Variants in NFE2L3 observed in about 807,000 individuals in gnomAD.
NFE2L3 encodes the protein NFE2 like bZIP transcription factor 3.
Under a neutral mutation model 23.5 loss-of-function variants are expected in NFE2L3, and 18 were observed. The observed-to-expected ratio is 0.77, with a 90% confidence interval of 0.53 to 1.13. The LOEUF is 1.13. Ranked by LOEUF, NFE2L3 falls within the 50% of genes most tolerant of loss-of-function variation. The probability of loss-of-function intolerance (pLI) is 0.00; values close to 1 mark genes in which losing one functional copy is unlikely to be tolerated. For missense variants in NFE2L3, 1,152 were observed against 877.2 expected (o/e 1.31, Z -3.96); for synonymous variants, 424 against 354.5 (o/e 1.20, Z -2.20).
intron 2 of NFE2L3, among the ~76,000 whole-genome samples, chr7:26,179,917 CCT>C (rs1283933013): frequency 6.6e-6 from 1 of 152,058 alleles, no homozygotes; most frequent in Non-Finnish European, 1.5e-5. Flanking sequence ...TTTGGAGACC[CCT>C]GGCCCCACAG....
At position 26,185,277 on chromosome 7, in the gene NFE2L3, T is replaced by A; in HGVS notation, c.1579T>A (p.Tyr527Asn). 1 of 1,614,146 alleles carries A rather than the reference T, an allele frequency of 6.2e-7. No homozygotes were observed. The highest frequency in any genetic ancestry group is 8.5e-7 in the Non-Finnish European group (1 of 1,179,998). Residue 527 changes from tyrosine to asparagine, a missense_variant, in exon 4 of 4, where the codon TAC (tyrosine) becomes AAC (asparagine). By Grantham distance (143) the Tyr-to-Asn change is moderately radical. Coordinates refer to ENST00000056233, the MANE Select transcript of NFE2L3 (RefSeq NM_004289.7). Reference protein sequence around the residue: ...PGKSQKIRSRYLEDTDRNLSR... With the variant: ...PGKSQKIRSRNLEDTDRNLSR... ...GAAGTCACAGAAGATAAGGAGTAGA[T>A]ACCTTGAAGACACAGATAGAAACTT...
intron 2 of NFE2L3, among the ~76,000 whole-genome samples, chr7:26,183,322 T>C (rs1263514805): frequency 2.0e-5 from 3 of 152,030 alleles, no homozygotes; most frequent in African/African-American, 4.8e-5. Context: ...CCTAGGTGGG[T>C]GGATCACTTG....
chr7:26,177,104 C>T (rs1483894707), intron 1 of NFE2L3, among the ~76,000 whole-genome samples: 8 of 133,006 alleles, frequency 6.0e-5, no homozygotes, highest in East Asian at 2.2e-4. Flanking sequence ...AGGCGCTCCT[C>T]ACATCCCAGA....
At chr7:26,166,276 G>C (rs1351352732) in intron 1 of NFE2L3, among the ~76,000 whole-genome samples, 1 of 152,144 alleles carries the variant, frequency 6.6e-6, no homozygotes, top group Non-Finnish European at 1.5e-5. Context: ...GGAATTGCTG[G>C]AGCCCAAGAT....
rs1390566326 is a variant in NFE2L3, at chr7:26,181,494, G to T, written c.751-2207G>T. ...TTTAGAAATCAGAACCCCAGTGGGG[G>T]CCCCAAAGCTAGATATAAGATCTGA... On this transcript the variant is annotated intron_variant, in intron 2 of 3. Transcript: ENST00000056233. 3.9e-5 allele frequency among the ~76,000 whole-genome samples: 6 copies of T among 152,164 alleles called. No homozygotes were observed. The East Asian group carries it at 9.7e-4, about 25-fold the overall frequency.
chr7:26,179,007 C>G (rs1266927283), intron 2 of NFE2L3, among the ~76,000 whole-genome samples: 24 of 152,200 alleles, frequency 1.6e-4, no homozygotes, highest in Non-Finnish European at 2.9e-5. Flanking sequence ...ATCATGGTAG[C>G]CCTGGCCATG....
chr7:26,155,640 T>G (rs1784070744), intron 1 of NFE2L3, among the ~76,000 whole-genome samples: 1 of 152,148 alleles, frequency 6.6e-6, no homozygotes, highest in Non-Finnish European at 1.5e-5. Context: ...ATGGGGTGAC[T>G]CAGCCTTCCA....
At chr7:26,166,139 G>C (rs1295371303) in intron 1 of NFE2L3, among the ~76,000 whole-genome samples, 2 of 151,552 alleles carry the variant, frequency 1.3e-5, no homozygotes, top group Non-Finnish European at 2.9e-5. Flanking sequence ...GGTGGGGCGG[G>C]GGGGAAAGAA....
rs1038457623 is a variant in NFE2L3, at chr7:26,174,296, A to G, written c.571-3647A>G. On this transcript the variant is annotated intron_variant, in intron 1 of 3. Transcript: ENST00000056233. ...GGTGAAGAGAAAATACACTGAGTAC[A>G]GATACTCTTTGGAGGTTTTTGCTGT... is the stretch of plus-strand genomic sequence containing the variant. 3 of 152,208 alleles carry G rather than the reference A, an allele frequency of 2.0e-5. No individual in the cohort carries two copies. In the South Asian group the frequency reaches 6.2e-4, roughly 32 times the overall value. 9.4% of individuals were successfully genotyped at this position (152,208 alleles called of 1,614,324 possible). A position where few individuals can be genotyped will look rare whatever the true frequency, so the allele number is the denominator to read the frequency against.
rs138871454 is a variant in NFE2L3, at chr7:26,168,470, G to A, written c.571-9473G>A. Among the ~76,000 whole-genome samples the A allele has an allele frequency of 7.1e-3, 1,050 of 148,890 alleles. 30 individuals are homozygous for A. Among genetic ancestry groups the A allele is most frequent in the African/African-American group, 0.025 (996 of 40,634 alleles). ...AGGTTGCTGTGAATGCCATTAATTCGTTCTTTTTTATGGCTGAGTAGTATT... is the reference window on the plus strand; with the variant it reads ...AGGTTGCTGTGAATGCCATTAATTCATTCTTTTTTATGGCTGAGTAGTATT... On this transcript the variant is annotated intron_variant, in intron 1 of 3. Coordinates refer to ENST00000056233, the MANE Select transcript of NFE2L3 (RefSeq NM_004289.7).
chr7:26,184,851 G>C lies in NFE2L3; in HGVS notation c.1153G>C (p.Asp385His). 6.2e-7 allele frequency: 1 copy of C among 1,613,918 alleles called. No individual in the cohort carries two copies. The highest frequency in any genetic ancestry group is 2.2e-5 in the East Asian group (1 of 44,880). Residue 385 changes from aspartate (D) to histidine (H), a missense_variant, in exon 4 of 4, where the codon GAC becomes CAC. Transcript: ENST00000056233. Reference sequence around the variant, plus strand: ...AAGCCAAGACCTACTGTATGACCTTGACATAAATATATTTGATGAGATAAA... The same window carrying C: ...AAGCCAAGACCTACTGTATGACCTTCACATAAATATATTTGATGAGATAAA... ...LTSQDLLYDL[D>H]INIFDEINLM...
chr7:26,184,316 CTTAATTTCTA>C (rs1782418480), intron 3 of NFE2L3: 1 of 516,648 alleles, frequency 1.9e-6, no homozygotes, highest in East Asian at 3.2e-5. Flanking sequence ...ACTAATCCAT[CTTAATTTCTA>C]GGTTACTCAG....
intron 1 of NFE2L3, among the ~76,000 whole-genome samples, chr7:26,159,949 C>CTTTT (rs59484170): frequency 2.4e-4 from 28 of 118,448 alleles, no homozygotes; most frequent in Non-Finnish European, 3.2e-4. Flanking sequence ...AATCTTGTTG[C>CTTTT]TTTTTTTTTT....
chr7:26,186,730 TCAGC>T lies in NFE2L3; in HGVS notation c.*948_*951del, dbSNP rs1415877786. The T allele has an allele frequency of 6.6e-6, 1 of 151,604 alleles. No individual in the cohort carries two copies. The highest frequency in any genetic ancestry group is 2.4e-5 in the African/African-American group (1 of 41,230). The allele number at this position is 151,604 out of a possible 1,614,324, so 9.4% of individuals were successfully genotyped here. A position where few individuals can be genotyped will look rare whatever the true frequency, so the allele number is the denominator to read the frequency against. On this transcript the variant is annotated 3_prime_UTR_variant, in exon 4 of 4. Coordinates refer to ENST00000056233, the MANE Select transcript of NFE2L3 (RefSeq NM_004289.7). ...AGCCATATAAACAGTAGGGAAAGAGTCAGCAACAGTGAAACCATCTGTTTAAAAT... is the reference window on the plus strand; with the variant it reads ...AGCCATATAAACAGTAGGGAAAGAGTAACAGTGAAACCATCTGTTTAAAAT...
chr7:26,182,531 C>A lies in NFE2L3; in HGVS notation c.751-1170C>A, dbSNP rs934647242. On this transcript the variant is annotated intron_variant, in intron 2 of 3. Transcript: ENST00000056233. ...CCCAGCTATTCGGGAGGCTGACACA[C>A]AAGAATCAATCACTTGAACCCAGGA... 2.6e-5 allele frequency among the ~76,000 whole-genome samples: 4 copies of A among 152,152 alleles called. No homozygotes were observed. In the East Asian group the frequency reaches 5.8e-4, roughly 22 times the overall value.
chr7:26,169,159 C>T (rs1784298079), intron 1 of NFE2L3, among the ~76,000 whole-genome samples: 1 of 152,170 alleles, frequency 6.6e-6, no homozygotes, highest in Non-Finnish European at 1.5e-5. Context: ...GTAAATCCTC[C>T]ACTCCTCCCT....
rs567573677 is a variant in NFE2L3, at chr7:26,185,836, A to G, written c.*53A>G. On this transcript the variant is annotated 3_prime_UTR_variant, in exon 4 of 4. Coordinates refer to ENST00000056233, the MANE Select transcript of NFE2L3 (RefSeq NM_004289.7). The stretch of plus-strand genomic sequence containing the variant: ...GTGAAGTAGTAATGTTCAGAAACTG[A>G]TTATTTGGATCAGAAACCATTGAAA... The G allele has an allele frequency of 7.1e-7, 1 of 1,400,166 alleles. No homozygotes were observed. The highest frequency in any genetic ancestry group is 2.4e-5 in the East Asian group (1 of 41,512). 86.7% of individuals were successfully genotyped at this position (1,400,166 alleles called of 1,614,324 possible). A position where few individuals can be genotyped will look rare whatever the true frequency, so the allele number is the denominator to read the frequency against.
chr7:26,172,897 C>CT (rs969608985), intron 1 of NFE2L3, among the ~76,000 whole-genome samples: 2 of 152,110 alleles, frequency 1.3e-5, no homozygotes, highest in African/African-American at 2.4e-5. Context: ...CAGAGTGATA[C>CT]TTTGAGACTC....
chr7:26,152,345 C>T lies in NFE2L3; in HGVS notation c.-154C>T, dbSNP rs1412048600. On this transcript the variant is annotated 5_prime_UTR_variant, in exon 1 of 4. Transcript: ENST00000056233. This position sits in a 1 kb window ranked among gnomAD's most constrained non-coding sequence, Gnocchi z 4.4. ...CGCCTTTGTGCCCGGTGCTGGGAACCCGCGACGGCCGCCACGCGCCCCGGT... is the reference window on the plus strand; with the variant it reads ...CGCCTTTGTGCCCGGTGCTGGGAACTCGCGACGGCCGCCACGCGCCCCGGT... 1.7e-5 allele frequency: 7 copies of T among 417,476 alleles called. No homozygotes were observed. The highest frequency in any genetic ancestry group is 2.6e-5 in the Non-Finnish European group (7 of 273,584). The allele number at this position is 417,476 out of a possible 1,614,324, so 25.9% of individuals were successfully genotyped here.
Sources: allele counts gnomAD v4.1 joint callset (sites outside exome capture counted in the v4.1 genomes callset), GRCh38; gene constraint gnomAD v4.1.1; non-coding constraint Gnocchi (gnomAD v3.1); transcripts MANE v1.5; gene names NCBI Gene and HGNC (gene_info 2026-07-23, HGNC 2026-07-21).